Variants in BMPR1A observed in about 807,000 individuals in gnomAD.
BMPR1A encodes the protein bone morphogenetic protein receptor type 1A.
Under a neutral mutation model 66.0 loss-of-function variants are expected in BMPR1A, and 7 were observed. That is an observed-to-expected ratio of 0.11 (90% CI 0.06 to 0.20). BMPR1A has a LOEUF of 0.20. Ranked by LOEUF, BMPR1A falls within the 10% of genes least tolerant of loss-of-function variation. The pLI is 1.00. For synonymous variants in BMPR1A, 200 were observed against 229.7 expected (o/e 0.87, Z 1.17); for missense variants, 408 against 669.1 (o/e 0.61, Z 4.31).
chr10:86,791,977 C>T (rs910252796), intron 1 of BMPR1A, among the ~76,000 whole-genome samples: 2 of 151,270 alleles, frequency 1.3e-5, no homozygotes, highest in Non-Finnish European at 2.9e-5. Flanking sequence ...TTTGGCCTCC[C>T]GGAAGTGCTG....
Position 86,925,964 on chromosome 10 carries a change from T to G in BMPR1A, c.*2245T>G, listed in dbSNP as rs981320376. 5.9e-6 allele frequency: 1 copy of G among 168,212 alleles called. No individual in the cohort carries two copies. The highest frequency in any genetic ancestry group is 6.4e-5 in the Admixed American group (1 of 15,632). The allele number at this position is 168,212 out of a possible 1,614,324, so 10.4% of individuals were successfully genotyped here. A position where few individuals can be genotyped will look rare whatever the true frequency, so the allele number is the denominator to read the frequency against. The stretch of plus-strand genomic sequence containing the variant: ...GGATGGTCTCAATCTCCTGACCTCA[T>G]GATCCACCTGCCTCGGCCTCCCAAA... On this transcript the variant is annotated 3_prime_UTR_variant, in exon 13 of 13. Coordinates refer to ENST00000372037, the MANE Select transcript of BMPR1A (RefSeq NM_004329.3).
intron 1 of BMPR1A, among the ~76,000 whole-genome samples, chr10:86,805,919 A>C (rs1312630097): frequency 2.1e-5 from 3 of 141,896 alleles, no homozygotes; most frequent in Non-Finnish European, 3.1e-5. Context: ...TTTTTAAAGC[A>C]TTTTTCCCTT....
intron 2 of BMPR1A, among the ~76,000 whole-genome samples, chr10:86,849,403 C>T (rs374127458): frequency 8.6e-4 from 131 of 152,222 alleles, no homozygotes; most frequent in African/African-American, 3.1e-3. Context: ...GCTTAGATGC[C>T]AACACTTTGA....
chr10:86,759,493 A>G (rs1840994421), intron 1 of BMPR1A, among the ~76,000 whole-genome samples: 1 of 152,124 alleles, frequency 6.6e-6, no homozygotes, highest in Admixed American at 6.5e-5. Flanking sequence ...TCCTTAGCAA[A>G]CTTGCCTCTT....
chr10:86,856,540 T>G (rs1842645222), intron 2 of BMPR1A, among the ~76,000 whole-genome samples: 1 of 152,168 alleles, frequency 6.6e-6, no homozygotes, highest in Non-Finnish European at 1.5e-5. Context: ...TAGTATAACT[T>G]TGGTACCAAA....
chr10:86,905,642 C>A (rs1446476491), intron 7 of BMPR1A, among the ~76,000 whole-genome samples: 1 of 151,872 alleles, frequency 6.6e-6, no homozygotes, highest in Non-Finnish European at 1.5e-5. Context: ...GCCACCTTGG[C>A]CCAGAATTTC....
chr10:86,862,546 T>G (rs1589751131), intron 2 of BMPR1A, among the ~76,000 whole-genome samples: 1 of 152,146 alleles, frequency 6.6e-6, no homozygotes, highest in African/African-American at 2.4e-5. Context: ...AAATCCATAG[T>G]GGGCACAGGT....
At position 86,762,839 on chromosome 10, in the gene BMPR1A, G is replaced by A. The variant is rs564381653; in HGVS notation, c.-268+5920G>A. Among the ~76,000 whole-genome samples, 23 of 152,294 alleles carry A rather than the reference G, an allele frequency of 1.5e-4. No homozygotes were observed. In the East Asian group the frequency reaches 4.2e-3, roughly 28 times the overall value. ...AAGGCTTTCCTGAGAAAGGTAGCCC[G>A]CAGAGTGAGACCTTAGGCAAGAAAG... On this transcript the variant is annotated intron_variant, in intron 1 of 12. Transcript: ENST00000372037.
intron 2 of BMPR1A, among the ~76,000 whole-genome samples, chr10:86,864,226 T>G (rs973497418): frequency 6.6e-6 from 1 of 152,216 alleles, no homozygotes; most frequent in Admixed American, 6.5e-5. Flanking sequence ...ACACTAGTTT[T>G]CTTTATCCCC....
At chr10:86,903,588 CTATTAT>C (rs754753773) in intron 7 of BMPR1A, among the ~76,000 whole-genome samples, 2 of 151,526 alleles carry the variant, frequency 1.3e-5, no homozygotes, top group Admixed American at 1.3e-4. Flanking sequence ...TCAAATTTAT[CTATTAT>C]TATTATTTTT....
In BMPR1A at chr10:86,837,763, C is replaced by T. The variant is rs559973853; in HGVS notation, c.-267-1102C>T. On this transcript the variant is annotated intron_variant, in intron 1 of 12. Transcript: ENST00000372037. The stretch of plus-strand genomic sequence containing the variant: ...AGTGCATTGAGAAGACTGAAAGGCT[C>T]CTGAATGCAGACAAAGCATTACTAA... 4.3e-3 allele frequency among the ~76,000 whole-genome samples: 653 copies of T among 152,196 alleles called. 8 individuals are homozygous for T. The highest frequency in any genetic ancestry group is 0.015 in the African/African-American group (618 of 41,530).
At chr10:86,761,747 C>T (rs1316743054) in intron 1 of BMPR1A, among the ~76,000 whole-genome samples, 3 of 152,140 alleles carry the variant, frequency 2.0e-5, no homozygotes, top group Non-Finnish European at 1.5e-5. Context: ...GAGGCGATAA[C>T]TAGCGTGGAT....
intron 2 of BMPR1A, among the ~76,000 whole-genome samples, chr10:86,871,900 G>A (rs769067448): frequency 1.3e-5 from 2 of 152,094 alleles, no homozygotes; most frequent in African/African-American, 2.4e-5. Context: ...TGTACTCTGT[G>A]AGCAAAGTCC....
chr10:86,904,800 A>G (rs1243184764), intron 7 of BMPR1A, among the ~76,000 whole-genome samples: 2 of 152,258 alleles, frequency 1.3e-5, no homozygotes, highest in Non-Finnish European at 2.9e-5. Flanking sequence ...ACATACAATC[A>G]GACATCAGGA....
chr10:86,919,520 ATATTTCCCTATTTG>A (rs1244308172), intron 10 of BMPR1A, 51 bp downstream of exon 10: 3 of 1,593,272 alleles, frequency 1.9e-6, no homozygotes, highest in Non-Finnish European at 2.6e-6. Flanking sequence ...TTTCCAAAAG[ATATTTCCCTATTTG>A]TATTCAAGAT....
chr10:86,803,907 A>G (rs1029699919), intron 1 of BMPR1A, among the ~76,000 whole-genome samples: 1 of 152,190 alleles, frequency 6.6e-6, no homozygotes, highest in Non-Finnish European at 1.5e-5. Flanking sequence ...TTACTAATTA[A>G]TAAATTCGCG....
chr10:86,812,063 GAAAA>G (rs111415887), intron 1 of BMPR1A, among the ~76,000 whole-genome samples: 2 of 137,358 alleles, frequency 1.5e-5, no homozygotes, highest in South Asian at 2.3e-4. Context: ...GGGCAAAAAA[GAAAA>G]AAAAAAACCC....
intron 1 of BMPR1A, among the ~76,000 whole-genome samples, chr10:86,797,419 A>G (rs993077517): frequency 6.6e-6 from 1 of 151,694 alleles, no homozygotes; most frequent in African/African-American, 2.4e-5. Flanking sequence ...TTTAGTAGAG[A>G]TGGGGTTTCG....
At chr10:86,818,133 C>T (rs1644887662) in intron 1 of BMPR1A, among the ~76,000 whole-genome samples, 1 of 152,180 alleles carries the variant, frequency 6.6e-6, no homozygotes. Flanking sequence ...ATTCTCCTGC[C>T]TCAGCCTCCT....
Sources: allele counts gnomAD v4.1 joint callset (sites outside exome capture counted in the v4.1 genomes callset), GRCh38; gene constraint gnomAD v4.1.1; transcripts MANE v1.5; gene names NCBI Gene and HGNC (gene_info 2026-07-23, HGNC 2026-07-21).